Variants in ZC3H12B observed in about 807,000 individuals in gnomAD.
ZC3H12B encodes zinc finger CCCH-type containing 12B, also known as probable ribonuclease ZC3H12B.
A neutral mutation model predicts 43.9 loss-of-function variants in ZC3H12B; 7 were observed. The observed-to-expected ratio is 0.16, with a 90% CI of 0.09 to 0.30. ZC3H12B has a LOEUF of 0.30. Among genes scored for constraint, ZC3H12B ranks in the 10% least tolerant of loss-of-function variants. The pLI, the probability that ZC3H12B is intolerant of heterozygous loss-of-function variation, is 1.00. For synonymous variants in ZC3H12B, 222 were observed against 241.7 expected, an observed-to-expected ratio of 0.92 and a Z score of 0.76; for missense variants, 475 against 670.2, an observed-to-expected ratio of 0.71 and a Z score of 3.22.
At chrX:65,186,206 G>A in the ZC3H12B span, 4 of 111,231 alleles carry the variant, frequency 3.6e-5, no homozygotes, top group African/African-American at 6.5e-5. Context: ...TAGAAAAGTA[G>A]CAGGTGCTGG....
At chrX:65,337,754 T>A in the ZC3H12B span, among the ~76,000 whole-genome samples, 1 of 112,684 alleles carries the variant, frequency 8.9e-6, no homozygotes, top group African/African-American at 3.2e-5. Context: ...TTTTTGAAAA[T>A]TAATCAGAAA....
At chrX:65,253,582 A>T in the ZC3H12B span, among the ~76,000 whole-genome samples, 1 of 111,728 alleles carries the variant, frequency 9.0e-6, no homozygotes, top group African/African-American at 3.3e-5. Context: ...TGACCTGAAC[A>T]GAACAAGGGA....
chrX:65,308,137 C>T, the ZC3H12B span, among the ~76,000 whole-genome samples: 1 of 110,406 alleles, frequency 9.1e-6, no homozygotes, highest in Admixed American at 9.7e-5. Context: ...TGATAGGCCA[C>T]AAAACAAGTC....
chrX:65,434,190 A>G (rs1457410437), intron 3 of ZC3H12B, among the ~76,000 whole-genome samples: 1 of 112,064 alleles, frequency 8.9e-6, no homozygotes, highest in African/African-American at 3.2e-5. Context: ...TTCACACTGT[A>G]AGGTCTGGCC....
the ZC3H12B span, among the ~76,000 whole-genome samples, chrX:65,189,432 A>G: frequency 5.0e-5 from 5 of 99,189 alleles, no homozygotes; most frequent in Non-Finnish European, 1.0e-4. Flanking sequence ...AAGTGTTCCT[A>G]TTTCTCCACA....
chrX:65,339,828 C>T, the ZC3H12B span, among the ~76,000 whole-genome samples: 1 of 111,971 alleles, frequency 8.9e-6, no homozygotes, highest in Non-Finnish European at 1.9e-5. Flanking sequence ...CCACCCACTT[C>T]CTCTCTACAC....
chrX:65,379,355 C>A (rs187587836), intron 2 of ZC3H12B, among the ~76,000 whole-genome samples: 1 of 110,893 alleles, frequency 9.0e-6, no homozygotes, highest in Non-Finnish European at 1.9e-5. Context: ...AGACGGACAC[C>A]TCACACGGCC....
At chrX:65,203,742 G>A in the ZC3H12B span, among the ~76,000 whole-genome samples, 1 of 111,755 alleles carries the variant, frequency 8.9e-6, no homozygotes, top group Admixed American at 9.5e-5. Flanking sequence ...CCTGGCTAGT[G>A]TTTTACTAGG....
chrX:65,446,768 A>G (rs993758331), intron 3 of ZC3H12B, among the ~76,000 whole-genome samples: 2 of 111,972 alleles, frequency 1.8e-5, no homozygotes, highest in Non-Finnish European at 1.9e-5. Context: ...TTTCTTTCTT[A>G]TCCTCTTTAG....
the ZC3H12B span, among the ~76,000 whole-genome samples, chrX:65,251,287 A>G: frequency 9.0e-6 from 1 of 111,039 alleles, no homozygotes; most frequent in Non-Finnish European, 1.9e-5. Context: ...GTTCTGTTCC[A>G]TTGGTCTATA....
At chrX:65,194,662 A>G in the ZC3H12B span, among the ~76,000 whole-genome samples, 1 of 111,876 alleles carries the variant, frequency 8.9e-6, no homozygotes, top group South Asian at 3.7e-4. Flanking sequence ...CTTTGAATGA[A>G]ATGTTCTGTA....
chrX:65,221,858 A>G, the ZC3H12B span, among the ~76,000 whole-genome samples: 1 of 110,763 alleles, frequency 9.0e-6, no homozygotes, highest in Admixed American at 9.6e-5. Flanking sequence ...AACCAGTATC[A>G]CCCTGATACC....
At chrX:65,205,657 G>A in the ZC3H12B span, among the ~76,000 whole-genome samples, 2 of 111,453 alleles carry the variant, frequency 1.8e-5, no homozygotes, top group Non-Finnish European at 3.8e-5. Context: ...CTTCAACATA[G>A]TACTGGAAGT....
At chrX:65,248,069 G>T in the ZC3H12B span, among the ~76,000 whole-genome samples, 738 of 110,940 alleles carry the variant, frequency 6.7e-3, 3 homozygotes, top group Non-Finnish European at 9.7e-3. Context: ...TTGTGGTGGA[G>T]TCTCGCTCTG....
the ZC3H12B span, among the ~76,000 whole-genome samples, chrX:65,068,592 T>A: frequency 8.9e-6 from 1 of 112,087 alleles, no homozygotes; most frequent in African/African-American, 3.2e-5. Flanking sequence ...TAAAAGTTGT[T>A]GGAGTTATTA....
chrX:65,384,252 A>C (rs1359379166), intron 2 of ZC3H12B, among the ~76,000 whole-genome samples: 1 of 105,151 alleles, frequency 9.5e-6, no homozygotes, highest in Non-Finnish European at 1.9e-5. Flanking sequence ...CATCATTCTC[A>C]GTAAACTATC....
At chrX:65,074,301 T>A in the ZC3H12B span, among the ~76,000 whole-genome samples, 1 of 111,095 alleles carries the variant, frequency 9.0e-6, no homozygotes, top group Admixed American at 9.5e-5. Context: ...ATCTATGATA[T>A]CATTCCTTTC....
the ZC3H12B span, among the ~76,000 whole-genome samples, chrX:65,078,297 A>T: frequency 8.9e-6 from 1 of 112,409 alleles, no homozygotes; most frequent in Non-Finnish European, 1.9e-5. Context: ...ATAAATTGTA[A>T]ATACAGCTGT....
the ZC3H12B span, among the ~76,000 whole-genome samples, chrX:65,256,689 A>G: frequency 2.7e-5 from 3 of 111,947 alleles, no homozygotes; most frequent in African/African-American, 9.8e-5. Flanking sequence ...AACTAACATC[A>G]GAGCTGAAAT....
Sources: gnomAD v4.1 joint callset for allele counts (sites outside exome capture counted in the v4.1 genomes callset) on GRCh38, gnomAD v4.1.1 for gene constraint, MANE v1.5 for transcripts, NCBI Gene and HGNC (gene_info 2026-07-23, HGNC 2026-07-21) for gene names.